Variants in TENM1 observed in about 807,000 individuals in gnomAD.
TENM1 encodes the protein teneurin-1.
TENM1 carries 35 observed loss-of-function variants against 174.8 expected under a neutral mutation model. The observed-to-expected ratio is 0.20, with a 90% confidence interval of 0.15 to 0.27. The LOEUF (loss-of-function observed/expected upper bound fraction) is 0.27. Ranked by LOEUF, TENM1 falls within the 10% of genes least tolerant of loss-of-function variation. The probability of loss-of-function intolerance (pLI) is 1.00; values close to 1 mark genes in which losing one functional copy is unlikely to be tolerated. For missense variants in TENM1, 1,633 were observed against 2,130.1 expected (o/e 0.77, Z 4.59); for synonymous variants, 781 against 798.7 (o/e 0.98, Z 0.37).
At chrX:124,603,717 A>G (rs913368221) in intron 11 of TENM1, among the ~76,000 whole-genome samples, 16 of 111,972 alleles carry the variant, frequency 1.4e-4, no homozygotes, top group African/African-American at 4.5e-4. Context: ...TTTGTTTTCA[A>G]GTTCAATCTA....
chrX:124,529,651 G>T (rs954015397), intron 16 of TENM1, among the ~76,000 whole-genome samples: 3 of 111,680 alleles, frequency 2.7e-5, no homozygotes, highest in Non-Finnish European at 5.6e-5. Context: ...TTTTCACATG[G>T]CCTGGGTTTC....
At chrX:125,188,753 A>C in the TENM1 span, among the ~76,000 whole-genome samples, 4 of 112,041 alleles carry the variant, frequency 3.6e-5, no homozygotes, top group Non-Finnish European at 7.5e-5. Flanking sequence ...CTATATATAA[A>C]TCATTCATAC....
the TENM1 span, among the ~76,000 whole-genome samples, chrX:125,046,857 CGTGTGTGT>C: frequency 2.3e-4 from 23 of 98,263 alleles, no homozygotes; most frequent in African/African-American, 3.7e-4. Flanking sequence ...TGTGTGCATG[CGTGTGTGT>C]GTGTGTGTGT....
chrX:124,794,490 C>T (rs1182426061), intron 3 of TENM1, among the ~76,000 whole-genome samples: 1 of 111,312 alleles, frequency 9.0e-6, no homozygotes, highest in Non-Finnish European at 1.9e-5. Flanking sequence ...TACGTCACCA[C>T]ATTCTATTGG....
intron 1 of TENM1, among the ~76,000 whole-genome samples, chrX:124,908,230 G>C (rs1239797965): frequency 9.0e-6 from 1 of 111,581 alleles, no homozygotes; most frequent in African/African-American, 3.3e-5. Context: ...AGGTATACAT[G>C]TGCCATGGTG....
intron 3 of TENM1, among the ~76,000 whole-genome samples, chrX:124,759,671 A>C (rs2148602846): frequency 8.9e-6 from 1 of 112,213 alleles, no homozygotes; most frequent in Admixed American, 9.5e-5. Context: ...CCTATTCCTT[A>C]ATGTAAATAA....
At chrX:125,056,118 T>C in the TENM1 span, among the ~76,000 whole-genome samples, 2 of 111,422 alleles carry the variant, frequency 1.8e-5, no homozygotes. Context: ...AAAAACAGAA[T>C]TATATGTGCC....
chrX:124,901,793 A>G (rs2057668509), intron 1 of TENM1, among the ~76,000 whole-genome samples: 1 of 111,410 alleles, frequency 9.0e-6, no homozygotes, highest in Non-Finnish European at 1.9e-5. Context: ...CTAAAATTCT[A>G]CCTCCCCATG....
chrX:125,023,940 A>T, the TENM1 span, among the ~76,000 whole-genome samples: 1 of 112,596 alleles, frequency 8.9e-6, no homozygotes, highest in East Asian at 2.8e-4. Context: ...GATATTTTTC[A>T]AAAGAAGATG....
Position 124,503,539 on chromosome X carries a change from C to T in TENM1, c.3445+21G>A, listed in dbSNP as rs775580037. The T allele has an allele frequency of 1.3e-5, 15 of 1,181,983 alleles. No homozygotes were observed. In the East Asian group the frequency reaches 4.5e-4, roughly 35 times the overall value. On this transcript the variant is annotated intron_variant, in intron 19 of 31. Coordinates refer to ENST00000422452, the Ensembl canonical transcript of TENM1. ...CAGCATTAGGAAAGTAGTATTCATACAAATTTAAAAAGCTACTTACCACTT... is the reference window on the plus strand; with the variant it reads ...CAGCATTAGGAAAGTAGTATTCATATAAATTTAAAAAGCTACTTACCACTT...
intron 11 of TENM1, among the ~76,000 whole-genome samples, chrX:124,586,854 A>AAAG (rs1253943785): frequency 8.3e-5 from 9 of 108,635 alleles, no homozygotes; most frequent in Non-Finnish European, 1.7e-4. Context: ...AGGATACAAA[A>AAAG]TCCATGTACA....
intron 1 of TENM1, among the ~76,000 whole-genome samples, chrX:124,937,640 C>T (rs746796845): frequency 2.7e-5 from 3 of 111,997 alleles, no homozygotes; most frequent in African/African-American, 6.5e-5. Context: ...AGCACTACTA[C>T]GCAGCATCAG....
At chrX:125,193,786 C>T in the TENM1 span, among the ~76,000 whole-genome samples, 1 of 110,446 alleles carries the variant, frequency 9.1e-6, no homozygotes, top group Non-Finnish European at 1.9e-5. Flanking sequence ...ATCTTCAGAT[C>T]TGTATTTTTT....
chrX:124,845,124 C>T (rs1164997169), intron 3 of TENM1, among the ~76,000 whole-genome samples: 3 of 112,059 alleles, frequency 2.7e-5, no homozygotes, highest in South Asian at 3.7e-4. Context: ...TACATATTCT[C>T]TAATTTTCAA....
intron 11 of TENM1, among the ~76,000 whole-genome samples, chrX:124,637,878 G>A (rs2050917879): frequency 8.9e-6 from 1 of 112,243 alleles, no homozygotes; most frequent in African/African-American, 3.2e-5. Context: ...CTCAAGAAAT[G>A]TTAGGCAAAT....
At chrX:124,635,179 G>C (rs944053389) in intron 11 of TENM1, among the ~76,000 whole-genome samples, 4 of 111,255 alleles carry the variant, frequency 3.6e-5, no homozygotes, top group African/African-American at 1.3e-4. Context: ...AAGACCTCAT[G>C]GGCCATTTTG....
intron 14 of TENM1, among the ~76,000 whole-genome samples, chrX:124,552,401 A>G (rs1340740059): frequency 1.0e-5 from 1 of 95,716 alleles, no homozygotes; most frequent in Non-Finnish European, 2.1e-5. Context: ...TCTATAATTC[A>G]TATTCTTCAT....
intron 3 of TENM1, among the ~76,000 whole-genome samples, chrX:124,745,832 A>G (rs2053904911): frequency 9.5e-6 from 1 of 105,268 alleles, no homozygotes; most frequent in Admixed American, 9.9e-5. Context: ...CATGTTATTC[A>G]AATATGTCGG....
At chrX:124,471,378 ATATATAGTAC>A (rs2061319670) in intron 22 of TENM1, among the ~76,000 whole-genome samples, 2 of 29,412 alleles carry the variant, frequency 6.8e-5, no homozygotes, top group Non-Finnish European at 1.1e-4. Flanking sequence ...ATATATTATA[ATATATAGTAC>A]TATATATAAT....
Sources: allele counts gnomAD v4.1 joint callset (sites outside exome capture counted in the v4.1 genomes callset), GRCh38; gene constraint gnomAD v4.1.1; transcripts MANE v1.5; gene names NCBI Gene and HGNC (gene_info 2026-07-23, HGNC 2026-07-21).